ACSF3: variants seen among roughly 807,000 people sequenced by gnomAD.
ACSF3 encodes the protein malonate--CoA ligase ACSF3, mitochondrial.
In ACSF3, 78 loss-of-function variants were observed where a neutral mutation model predicts 53.2. The ratio of observed to expected loss-of-function variants is 1.47; its 90% confidence interval spans 1.22 to 1.77. ACSF3 has a LOEUF of 1.77. ACSF3 is among the 40% of genes most tolerant of loss of function. The pLI is 0.00. For synonymous variants in ACSF3, 414 were observed against 333.1 expected (o/e 1.24, Z -2.65); for missense variants, 937 against 771.1 (o/e 1.22, Z -2.55).
At chr16:89,120,663 C>CA in intron 6 of ACSF3, 138 bp from the exon 7 acceptor site, 1 of 828,108 alleles carries the variant, frequency 1.2e-6, no homozygotes, top group Non-Finnish European at 2.1e-6. Flanking sequence ...CTCTGGGTCA[C>CA]AGGGCACGTC....
chr16:89,118,723 G>C (rs936987176), intron 6 of ACSF3, among the ~76,000 whole-genome samples: 1 of 152,222 alleles, frequency 6.6e-6, no homozygotes, highest in African/African-American at 2.4e-5. Context: ...CACGGCTCCT[G>C]GGCCACTCTG....
chr16:89,098,062 A>G (rs988866246), intron 1 of ACSF3, among the ~76,000 whole-genome samples: 1 of 151,884 alleles, frequency 6.6e-6, no homozygotes, highest in Non-Finnish European at 1.5e-5. Context: ...TGACAGAGCG[A>G]GACTCCGTCT....
At chr16:89,134,984 G>GT (rs1910120255) in intron 8 of ACSF3, among the ~76,000 whole-genome samples, 1 of 152,082 alleles carries the variant, frequency 6.6e-6, no homozygotes, top group African/African-American at 2.4e-5. Flanking sequence ...GTGGCTGCAG[G>GT]TACTCACTGT....
At chr16:89,115,125 G>A (rs945179998) in intron 6 of ACSF3, 2 of 213,808 alleles carry the variant, frequency 9.4e-6, no homozygotes, top group African/African-American at 4.6e-5. Context: ...AGCCCTTCCA[G>A]TCTGTCTAGA....
chr16:89,137,031 G>A (rs1910646917), intron 8 of ACSF3, among the ~76,000 whole-genome samples: 1 of 152,218 alleles, frequency 6.6e-6, no homozygotes, highest in African/African-American at 2.4e-5. Context: ...CACCTGGGGC[G>A]AGTGGAAGGT....
chr16:89,112,976 T>G (rs1904321344), intron 5 of ACSF3, among the ~76,000 whole-genome samples: 1 of 152,002 alleles, frequency 6.6e-6, no homozygotes, highest in African/African-American at 2.4e-5. Flanking sequence ...CAGGACAAGC[T>G]GGTCTTTTGG....
intron 8 of ACSF3, among the ~76,000 whole-genome samples, chr16:89,135,228 C>A (rs1004346531): frequency 6.6e-6 from 1 of 152,250 alleles, no homozygotes; most frequent in Non-Finnish European, 1.5e-5. Flanking sequence ...CATGCCCTTC[C>A]ACAGGGAGCA....
chr16:89,138,720 G>T (rs1210089138), intron 8 of ACSF3, among the ~76,000 whole-genome samples: 1 of 152,186 alleles, frequency 6.6e-6, no homozygotes, highest in East Asian at 1.9e-4. Flanking sequence ...GCTGAGGAGG[G>T]TGCCCCAGCC....
In ACSF3 at chr16:89,139,435, G is replaced by A. The variant is rs568839377; in HGVS notation, c.1367-5832G>A. Among the ~76,000 whole-genome samples the A allele has an allele frequency of 3.3e-5, 5 of 152,170 alleles. No homozygotes were observed. In the East Asian group the frequency reaches 5.8e-4, roughly 18 times the overall value. On this transcript the variant is annotated intron_variant, in intron 8 of 10. Transcript: ENST00000614302. ...TACTTGGAGACTTGCGTGTCTCTCC[G>A]GGTCTTCGTTCTGCCCTCAGCCTTG...
chr16:89,125,039 T>A (rs1907708272), intron 7 of ACSF3, among the ~76,000 whole-genome samples: 1 of 152,246 alleles, frequency 6.6e-6, no homozygotes, highest in Non-Finnish European at 1.5e-5. Flanking sequence ...GGTGCACATA[T>A]TAATTTTAGA....
chr16:89,101,269 C>T lies in ACSF3; in HGVS notation c.588C>T (p.Gly196=), dbSNP rs373441358. 4.6e-5 allele frequency: 73 copies of T among 1,601,154 alleles called. No homozygotes were observed. Among genetic ancestry groups the T allele is most frequent in the Non-Finnish European group, 5.6e-5 (66 of 1,174,422 alleles). Residue 196 remains glycine (G), a synonymous_variant, in exon 3 of 11, where the codon GGC becomes GGT. Coordinates refer to ENST00000614302, the MANE Select transcript of ACSF3 (RefSeq NM_001243279.3). The stretch of plus-strand genomic sequence containing the variant: ...CAGAGCAGGGATGGAGGAACAAGGG[C>T]GCCATGATCATCTACACCAGTGGGA... ...PVPEQGWRNK[G]AMIIYTSGTT...
intron 8 of ACSF3, among the ~76,000 whole-genome samples, chr16:89,142,156 C>T (rs908098118): frequency 6.6e-6 from 1 of 152,098 alleles, no homozygotes; most frequent in African/African-American, 2.4e-5. Flanking sequence ...CTGTGACGAC[C>T]CTGGGGTTGG....
At chr16:89,094,248 G>A (rs575124873) in intron 1 of ACSF3, among the ~76,000 whole-genome samples, 20 of 152,248 alleles carry the variant, frequency 1.3e-4, no homozygotes, top group African/African-American at 4.8e-4. Flanking sequence ...CGGGCCCGGT[G>A]ATACCGTCGA....
chr16:89,122,523 CT>C (rs1906909528), intron 7 of ACSF3: 1 of 343,814 alleles, frequency 2.9e-6, no homozygotes, highest in South Asian at 2.2e-5. Flanking sequence ...TGCAGTGCCC[CT>C]GCCCCCAACT....
At chr16:89,101,404 C>T (rs1057363644) in intron 3 of ACSF3, 57 bp downstream of exon 3, 2 of 1,548,450 alleles carry the variant, frequency 1.3e-6, no homozygotes, top group African/African-American at 2.7e-5. Flanking sequence ...TCCGGGTGGG[C>T]TCCGGGCCAG....
intron 9 of ACSF3, 90 bp downstream of exon 9, chr16:89,145,491 C>T: frequency 1.3e-6 from 2 of 1,492,870 alleles, no homozygotes; most frequent in Admixed American, 3.6e-5. Flanking sequence ...TGAGTCGACG[C>T]CGTCCCAGCT....
intron 7 of ACSF3, chr16:89,122,477 A>G (rs761868274): frequency 2.4e-6 from 1 of 423,764 alleles, no homozygotes; most frequent in Non-Finnish European, 4.7e-6. Context: ...AGGTTCCTGA[A>G]TACACCGGCC....
rs1914452064 is a variant in ACSF3, at chr16:89,154,144, C to G, written c.1668C>G (p.Ile556Met). ...VPSELVLVEEIPRNQMGKIDK... is the reference protein window; with the variant it reads ...VPSELVLVEEMPRNQMGKIDK... ...CGGAGCTGGTGCTGGTGGAGGAGATCCCGCGGAACCAGATGGGCAAGATTG... is the reference window on the plus strand; with the variant it reads ...CGGAGCTGGTGCTGGTGGAGGAGATGCCGCGGAACCAGATGGGCAAGATTG... The change falls in exon 11 of 11, where the codon ATC (isoleucine) becomes ATG (methionine). Residue 556 changes from isoleucine to methionine, a missense_variant. Transcript: ENST00000614302. The G allele has an allele frequency of 6.2e-7, 1 of 1,613,362 alleles. No homozygotes were observed. Among genetic ancestry groups the G allele is most frequent in the Non-Finnish European group, 8.5e-7 (1 of 1,179,770 alleles).
chr16:89,145,800 T>A, intron 9 of ACSF3, 138 bp from the exon 10 acceptor site: 1 of 811,730 alleles, frequency 1.2e-6, no homozygotes, highest in Non-Finnish European at 2.2e-6. Flanking sequence ...CCAGGACGAG[T>A]GATTGGAGTG....
Sources: allele counts gnomAD v4.1 joint callset (sites outside exome capture counted in the v4.1 genomes callset), GRCh38; gene constraint gnomAD v4.1.1; transcripts MANE v1.5; gene names NCBI Gene and HGNC (gene_info 2026-07-23, HGNC 2026-07-21).